PHTF1: variants seen among roughly 807,000 people sequenced by gnomAD.
The protein encoded by PHTF1 is protein PHTF1.
Under a neutral mutation model 102.4 loss-of-function variants are expected in PHTF1, and 88 were observed. The observed-to-expected ratio is 0.86, with a 90% CI of 0.72 to 1.03. The LOEUF (loss-of-function observed/expected upper bound fraction) is 1.03, where lower values mean the gene tolerates loss of function less well. Ranked by LOEUF, PHTF1 falls within the 50% of genes least tolerant of loss-of-function variation. PHTF1 has a pLI of 0.00. For missense variants in PHTF1, 814 were observed against 909.5 expected (o/e 0.89, Z 1.35); for synonymous variants, 289 against 305.2 (o/e 0.95, Z 0.55).
intron 7 of PHTF1, among the ~76,000 whole-genome samples, chr1:113,723,126 T>C (rs1291582238): frequency 1.3e-5 from 2 of 150,928 alleles, no homozygotes; most frequent in Non-Finnish European, 2.9e-5. Context: ...CATCGGCCAA[T>C]GGAACAGAAT....
In PHTF1 at chr1:113,697,675, GCCAGGGGAGAGT is replaced by G; in HGVS notation, c.*18_*29del. On this transcript the variant is annotated 3_prime_UTR_variant, in exon 19 of 19. Transcript: ENST00000369604. ...CCTTGATAGGTAAGTTTTGATACCAGCCAGGGGAGAGTCCAGGCATTTACTCAGCTTATGATT... is the reference window on the plus strand; with the variant it reads ...CCTTGATAGGTAAGTTTTGATACCAGCCAGGCATTTACTCAGCTTATGATT... 1 of 1,519,942 alleles carries G rather than the reference GCCAGGGGAGAGT, an allele frequency of 6.6e-7. No individual in the cohort carries two copies. The highest frequency in any genetic ancestry group is 9.0e-7 in the Non-Finnish European group (1 of 1,110,480). 94.2% of individuals were successfully genotyped at this position (1,519,942 alleles called of 1,614,324 possible).
At chr1:113,726,872 T>C (rs904394543) in intron 5 of PHTF1, among the ~76,000 whole-genome samples, 8 of 152,154 alleles carry the variant, frequency 5.3e-5, no homozygotes, top group Non-Finnish European at 1.2e-4. Context: ...AAAACACATT[T>C]TGAAGTGCTG....
chr1:113,714,394 G>A (rs1651631747), intron 7 of PHTF1: 1 of 150,552 alleles, frequency 6.6e-6, no homozygotes, highest in African/African-American at 2.4e-5. Context: ...CCAGAGGGGA[G>A]CCCGTTGCCC....
At chr1:113,758,638 A>G in intron 2 of PHTF1, 21 bp downstream of exon 2, 1 of 1,427,306 alleles carries the variant, frequency 7.0e-7, no homozygotes, top group Non-Finnish European at 9.6e-7. Context: ...TACAAATAAA[A>G]AAAATATATA....
At position 113,700,938 on chromosome 1, in the gene PHTF1, T is replaced by C. The variant is rs1194439801; in HGVS notation, c.1902A>G (p.Gly634=). The change falls in exon 16 of 19, where the codon GGA becomes GGG. Residue 634 remains glycine, a synonymous_variant. Transcript: ENST00000369604. The part of the protein sequence containing the change: ...AFICCAQVLQ[G]HKTFLNDAYN... ...AAGCATCATTCAGGAAAGTTTTATG[T>C]CCTTGGAGAACCTATACAAAGGATC... The C allele has an allele frequency of 6.2e-7, 1 of 1,608,584 alleles. No individual in the cohort carries two copies. The highest frequency in any genetic ancestry group is 1.1e-5 in the South Asian group (1 of 90,100).
intron 16 of PHTF1, 40 bp downstream of exon 16, chr1:113,700,754 C>T: frequency 6.3e-7 from 1 of 1,587,482 alleles, no homozygotes; most frequent in Non-Finnish European, 8.6e-7. Context: ...TATTACGCTA[C>T]CCCTAACCAC....
chr1:113,749,515 A>G (rs572431168), intron 3 of PHTF1: 20 of 152,286 alleles, frequency 1.3e-4, no homozygotes, highest in African/African-American at 4.8e-4. Context: ...CCAGACTCTG[A>G]TTTGTTTCTG....
chr1:113,758,065 T>A (rs1557984255), intron 2 of PHTF1, among the ~76,000 whole-genome samples: 1 of 151,710 alleles, frequency 6.6e-6, no homozygotes, highest in Non-Finnish European at 1.5e-5. Context: ...CTGACCAACA[T>A]GGTGAAACCC....
At chr1:113,730,185 G>A (rs1654432413) in intron 5 of PHTF1, among the ~76,000 whole-genome samples, 2 of 151,728 alleles carry the variant, frequency 1.3e-5, no homozygotes, top group South Asian at 4.2e-4. Flanking sequence ...GAGCAGTCTT[G>A]TAGAGGATTG....
Position 113,743,128 on chromosome 1 carries a change from T to C in PHTF1, c.103-4329A>G, listed in dbSNP as rs113203094. Among the ~76,000 whole-genome samples the C allele has an allele frequency of 4.4e-3, 667 of 152,342 alleles. 2 individuals are homozygous for C. The highest frequency in any genetic ancestry group is 0.015 in the African/African-American group (643 of 41,580). On this transcript the variant is annotated intron_variant, in intron 3 of 18. Coordinates refer to ENST00000369604, the MANE Select transcript of PHTF1 (RefSeq NM_001323043.2). ...CTCACCCAGTCTGTTCTATGATAAC[T>C]TAACCTTAGCTTACTGTAATGTTTT...
rs1013339162 is a variant in PHTF1 at position 113,704,600 on chromosome 1, C to T, written c.1803+66G>A. The T allele has an allele frequency of 6.7e-6, 8 of 1,197,734 alleles. No homozygotes were observed. The African/African-American group carries it at 1.2e-4, about 18-fold the overall frequency. The allele number at this position is 1,197,734 out of a possible 1,614,324, so 74.2% of individuals were successfully genotyped here. On this transcript the variant is annotated intron_variant, in intron 14 of 18. Coordinates refer to ENST00000369604, the MANE Select transcript of PHTF1 (RefSeq NM_001323043.2). ...CAGAACTACACTGTCTACTGAGTAACTGCTGCCAGGAGCTTCAGTGAGCAT... is the reference window on the plus strand; with the variant it reads ...CAGAACTACACTGTCTACTGAGTAATTGCTGCCAGGAGCTTCAGTGAGCAT...
At chr1:113,699,485 G>A (rs1376474624) in intron 17 of PHTF1, 4 of 648,986 alleles carry the variant, frequency 6.2e-6, no homozygotes, top group East Asian at 2.9e-5. Flanking sequence ...CTTGGTGATG[G>A]GGAGCCACTC....
At chr1:113,707,627 A>T (rs1425532574) in intron 11 of PHTF1, among the ~76,000 whole-genome samples, 1 of 152,238 alleles carries the variant, frequency 6.6e-6, no homozygotes, top group Non-Finnish European at 1.5e-5. Flanking sequence ...TGCTTAGCAT[A>T]ATGCCAACAA....
chr1:113,703,879 G>T, intron 15 of PHTF1: 1 of 491,764 alleles, frequency 2.0e-6, no homozygotes, highest in Non-Finnish European at 3.7e-6. Context: ...TAAAATTAGA[G>T]CGATCTTACA....
intron 7 of PHTF1, among the ~76,000 whole-genome samples, chr1:113,715,705 A>AAAAAAAAAAT: frequency 6.7e-6 from 1 of 149,926 alleles, no homozygotes; most frequent in Non-Finnish European, 1.5e-5. Context: ...ACTCAAACAA[A>AAAAAAAAAAT]TTCAAGAATA....
chr1:113,731,055 A>G (rs2101521898), intron 5 of PHTF1, among the ~76,000 whole-genome samples: 1 of 152,254 alleles, frequency 6.6e-6, no homozygotes, highest in East Asian at 1.9e-4. Flanking sequence ...TCAGTTTGGG[A>G]AGATGAAAAA....
chr1:113,706,734 A>G lies in PHTF1; in HGVS notation c.1270-12T>C, dbSNP rs1426658439. On this transcript the variant is annotated splice_polypyrimidine_tract_variant and intron_variant, in intron 11 of 18. Transcript: ENST00000369604. ...CAGAATAAATGATTCTGAGAAGAAAAATATAAAATTGTTTCTATCCATGCC... is the reference window on the plus strand; with the variant it reads ...CAGAATAAATGATTCTGAGAAGAAAGATATAAAATTGTTTCTATCCATGCC... 1 of 1,588,766 alleles carries G rather than the reference A, an allele frequency of 6.3e-7. No individual in the cohort carries two copies. Among genetic ancestry groups the G allele is most frequent in the Non-Finnish European group, 8.6e-7 (1 of 1,167,746 alleles).
chr1:113,701,859 A>AAAAAAAT (rs1649489061), intron 15 of PHTF1, among the ~76,000 whole-genome samples: 1 of 138,148 alleles, frequency 7.2e-6, no homozygotes, highest in African/African-American at 2.8e-5. Flanking sequence ...AAAAAAAAAA[A>AAAAAAAT]TCATTCAGAA....
intron 8 of PHTF1, 55 bp from the exon 9 acceptor site, chr1:113,712,168 G>T: frequency 7.1e-7 from 1 of 1,415,300 alleles, no homozygotes; most frequent in Non-Finnish European, 9.7e-7. Context: ...ATTCTAATAA[G>T]CTGCATGTGT....
Sources: gnomAD v4.1 joint callset for allele counts (sites outside exome capture counted in the v4.1 genomes callset) on GRCh38, gnomAD v4.1.1 for gene constraint, MANE v1.5 for transcripts, NCBI Gene and HGNC (gene_info 2026-07-23, HGNC 2026-07-21) for gene names.